Variants in MACROD2 observed in about 807,000 individuals in gnomAD.
MACROD2 encodes the protein ADP-ribose glycohydrolase MACROD2.
A neutral mutation model predicts 70.4 loss-of-function variants in MACROD2; 36 were observed. The observed-to-expected ratio is 0.51, with a 90% CI of 0.39 to 0.68. MACROD2 has a LOEUF of 0.68. Ranked by LOEUF, MACROD2 falls within the 30% of genes least tolerant of loss-of-function variation. The pLI, the probability that MACROD2 is intolerant of heterozygous loss-of-function variation, is 0.00. For missense variants in MACROD2, 496 were observed against 538.4 expected (o/e 0.92, Z 0.78); for synonymous variants, 172 against 178.8 (o/e 0.96, Z 0.30).
chr20:15,636,482 A>T (rs747115558), intron 8 of MACROD2, among the ~76,000 whole-genome samples: 1 of 152,074 alleles, frequency 6.6e-6, no homozygotes, highest in Non-Finnish European at 1.5e-5. Context: ...CATCATCTCA[A>T]CCCTATAGGG....
intron 6 of MACROD2, among the ~76,000 whole-genome samples, chr20:15,350,389 T>C (rs1387293723): frequency 1.3e-5 from 2 of 152,344 alleles, no homozygotes; most frequent in East Asian, 1.9e-4. Context: ...TAATTGCCGA[T>C]GCACTTCCAT....
chr20:14,386,123 GT>G (rs1319542383), intron 3 of MACROD2, among the ~76,000 whole-genome samples: 2 of 152,148 alleles, frequency 1.3e-5, no homozygotes, highest in East Asian at 1.9e-4. Flanking sequence ...GTAGTATACT[GT>G]TTTTATCTTC....
intron 4 of MACROD2, among the ~76,000 whole-genome samples, chr20:14,503,497 A>T (rs2084936142): frequency 6.6e-6 from 1 of 152,154 alleles, no homozygotes; most frequent in Admixed American, 6.5e-5. Context: ...GAGCTTATGC[A>T]TGGGGAGAAT....
At chr20:15,227,081 T>A (rs2032817091) in intron 5 of MACROD2, among the ~76,000 whole-genome samples, 1 of 152,200 alleles carries the variant, frequency 6.6e-6, no homozygotes. Context: ...TGGTCGATAA[T>A]AACATTCGAT....
intron 8 of MACROD2, among the ~76,000 whole-genome samples, chr20:15,669,743 T>A (rs1380963061): frequency 2.0e-5 from 3 of 152,124 alleles, no homozygotes; most frequent in Non-Finnish European, 2.9e-5. Context: ...GCCGAGGTAA[T>A]GTCCTAAATA....
chr20:15,758,237 CTTTTT>C (rs397793806), intron 8 of MACROD2, among the ~76,000 whole-genome samples: 3 of 122,134 alleles, frequency 2.5e-5, no homozygotes, highest in Non-Finnish European at 1.7e-5. Context: ...TCCTGTAATT[CTTTTT>C]TTTTTTTTTT....
intron 8 of MACROD2, among the ~76,000 whole-genome samples, chr20:15,567,918 T>C (rs1364941712): frequency 6.6e-6 from 1 of 152,254 alleles, no homozygotes; most frequent in Admixed American, 6.5e-5. Flanking sequence ...TGAAATCTCC[T>C]GAATCTTAAA....
At chr20:14,610,531 A>G (rs945514956) in intron 4 of MACROD2, among the ~76,000 whole-genome samples, 1 of 152,092 alleles carries the variant, frequency 6.6e-6, no homozygotes, top group Non-Finnish European at 1.5e-5. Flanking sequence ...ATAAATTCAT[A>G]AATAGTTATT....
chr20:14,953,663 G>A (rs1008437051), intron 5 of MACROD2, among the ~76,000 whole-genome samples: 54 of 152,296 alleles, frequency 3.5e-4, no homozygotes, highest in African/African-American at 1.3e-3. Context: ...CAGATGTGTA[G>A]TTGTGGTGTC....
chr20:15,090,832 G>A (rs920172443), intron 5 of MACROD2, among the ~76,000 whole-genome samples: 3 of 152,136 alleles, frequency 2.0e-5, no homozygotes, highest in Admixed American at 1.3e-4. Context: ...AGTGGACGGA[G>A]ATTCTAGGGA....
Position 15,947,919 on chromosome 20 carries a change from T to G in MACROD2, c.907+10375T>G, listed in dbSNP as rs373444346. On this transcript the variant is annotated intron_variant, in intron 12 of 17. Transcript: ENST00000684519. ...CTATCATAGAAAATGGGCCACTTTTTGCTGGTGCATCCAATGTTGATGACA... is the reference window on the plus strand; with the variant it reads ...CTATCATAGAAAATGGGCCACTTTTGGCTGGTGCATCCAATGTTGATGACA... Among the ~76,000 whole-genome samples the G allele has an allele frequency of 5.0e-3, 756 of 151,200 alleles. 5 individuals are homozygous for G. Among genetic ancestry groups the G allele is most frequent in the African/African-American group, 0.018 (724 of 41,218 alleles).
intron 5 of MACROD2, among the ~76,000 whole-genome samples, chr20:15,149,713 G>C (rs1042433033): frequency 2.6e-5 from 4 of 152,072 alleles, no homozygotes; most frequent in African/African-American, 7.3e-5. Context: ...ACGGAGACAT[G>C]ATGGCCAGCC....
chr20:15,536,528 A>G lies in MACROD2; in HGVS notation c.645+36681A>G, dbSNP rs571442275. 2.0e-5 allele frequency among the ~76,000 whole-genome samples: 3 copies of G among 152,350 alleles called. No individual in the cohort carries two copies. In the South Asian group the frequency reaches 6.2e-4, roughly 32 times the overall value. On this transcript the variant is annotated intron_variant, in intron 8 of 17. Transcript: ENST00000684519. ...TGCATTTATCACATGTATTAATTGT[A>G]CTGCTATCTTTGGCTTGCAGAATAG...
At chr20:14,973,349 A>G (rs1195110283) in intron 5 of MACROD2, among the ~76,000 whole-genome samples, 1 of 150,054 alleles carries the variant, frequency 6.7e-6, no homozygotes, top group Admixed American at 6.7e-5. Context: ...CAGCACCCTG[A>G]GTAGCTGGGA....
At chr20:14,817,704 A>G (rs924638529) in intron 5 of MACROD2, among the ~76,000 whole-genome samples, 1 of 152,178 alleles carries the variant, frequency 6.6e-6, no homozygotes, top group Non-Finnish European at 1.5e-5. Flanking sequence ...GAAATGAGAA[A>G]GGGGACAGCA....
At chr20:15,522,671 G>GT (rs2047668709) in intron 8 of MACROD2, among the ~76,000 whole-genome samples, 1 of 152,124 alleles carries the variant, frequency 6.6e-6, no homozygotes. Flanking sequence ...GCCCAGCACC[G>GT]TAAGTATATA....
intron 4 of MACROD2, among the ~76,000 whole-genome samples, chr20:14,634,932 C>A (rs1365625185): frequency 6.6e-6 from 1 of 152,116 alleles, no homozygotes; most frequent in Non-Finnish European, 1.5e-5. Context: ...CATGTCTGGG[C>A]AATCTGCAGG....
intron 8 of MACROD2, among the ~76,000 whole-genome samples, chr20:15,817,409 C>G (rs1482394636): frequency 1.3e-5 from 2 of 152,082 alleles, no homozygotes; most frequent in African/African-American, 4.8e-5. Flanking sequence ...TGAATGTGCC[C>G]ACCAAAAAAT....
At chr20:15,610,355 T>G (rs6043389) in intron 8 of MACROD2, among the ~76,000 whole-genome samples, 14,162 of 152,206 alleles carry the variant, frequency 0.093, 1,317 homozygotes, top group African/African-American at 0.24. Context: ...GTTGATTCCT[T>G]GCAGAGGCTC....
Sources: gnomAD v4.1 joint callset for allele counts (sites outside exome capture counted in the v4.1 genomes callset) on GRCh38, gnomAD v4.1.1 for gene constraint, MANE v1.5 for transcripts, NCBI Gene and HGNC (gene_info 2026-07-23, HGNC 2026-07-21) for gene names.